Variants in PTCSC3 observed in about 807,000 individuals in gnomAD.
PTCSC3 encodes papillary thyroid carcinoma susceptibility candidate 3.
At chr14:36,137,761 G>A (rs1881320912) in intron 3 of PTCSC3, among the ~76,000 whole-genome samples, 2 of 152,164 alleles carry the variant, frequency 1.3e-5, no homozygotes. Flanking sequence ...GGTGAAGGCT[G>A]CAAAAGGAGC....
intron 1 of PTCSC3, among the ~76,000 whole-genome samples, chr14:36,170,702 A>AT (rs1882176676): frequency 6.6e-6 from 1 of 152,078 alleles, no homozygotes; most frequent in Admixed American, 6.6e-5. Flanking sequence ...GGACTCAAAA[A>AT]TTTTTTTAAC....
intron 3 of PTCSC3, among the ~76,000 whole-genome samples, chr14:36,149,715 T>C (rs950776672): frequency 6.6e-6 from 1 of 152,216 alleles, no homozygotes; most frequent in African/African-American, 2.4e-5. Flanking sequence ...AACACTCTTC[T>C]TTATCCCTGA....
At chr14:36,135,314 C>T (rs545522172), downstream of PTCSC3, among the ~76,000 whole-genome samples, 1 of 151,560 alleles carries the variant, frequency 6.6e-6, no homozygotes, top group Non-Finnish European at 1.5e-5. Flanking sequence ...GTTAATTTAC[C>T]CTAAAGAGCC....
chr14:36,168,388 TATATATATA>T (rs1256209947), intron 1 of PTCSC3, among the ~76,000 whole-genome samples: 8 of 96,282 alleles, frequency 8.3e-5, no homozygotes, highest in Non-Finnish European at 2.0e-4. Context: ...TATATATATA[TATATATATA>T]TTCTACTTTT....
intron 3 of PTCSC3, among the ~76,000 whole-genome samples, chr14:36,140,025 A>G (rs544899776): frequency 2.6e-5 from 4 of 152,220 alleles, no homozygotes; most frequent in Admixed American, 2.0e-4. Flanking sequence ...GCAACCATGG[A>G]CCTTTTTATT....
intron 3 of PTCSC3, among the ~76,000 whole-genome samples, chr14:36,146,639 A>G (rs1881576779): frequency 6.6e-6 from 1 of 152,180 alleles, no homozygotes; most frequent in Non-Finnish European, 1.5e-5. Flanking sequence ...GTGTGTTTTA[A>G]TTGGAGCATT....
rs536832117 is a variant in PTCSC3, at chr14:36,148,685, T to TC, written n.322+5118dup. ...GTTCCTATTCGGCCATCTTGGCTCC[T>TC]CCCCCCATTCAATTTCTTTAATAGA... On this transcript the variant is annotated intron_variant and non_coding_transcript_variant, in intron 3 of 3. Transcript: ENST00000556013. 3.3e-3 allele frequency among the ~76,000 whole-genome samples: 505 copies of TC among 152,248 alleles called. 1 individual carries two copies. Among genetic ancestry groups the TC allele is most frequent in the Non-Finnish European group, 5.9e-3 (403 of 67,990 alleles).
In PTCSC3 at chr14:36,142,654, C is replaced by CT. The variant is rs540686041; in HGVS notation, n.323-6299dup. Among the ~76,000 whole-genome samples, 222 of 144,136 alleles carry CT rather than the reference C, an allele frequency of 1.5e-3. 3 individuals are homozygous for CT. In the South Asian group the frequency reaches 0.027, roughly 18 times the overall value. The allele number at this position is 144,136 out of a possible 152,430, so 94.6% of individuals were successfully genotyped here. A position where few individuals can be genotyped will look rare whatever the true frequency, so the allele number is the denominator to read the frequency against. ...AGGTTATTAATTGCTCATTCAATTT[C>CT]TTTTTTTTTTTTATTATTATACTTT... On this transcript the variant is annotated intron_variant and non_coding_transcript_variant, in intron 3 of 3. Transcript: ENST00000556013.
rs1324352632 is a variant in PTCSC3, at chr14:36,153,610, C to T, written n.322+194G>A. Among the ~76,000 whole-genome samples, 9 of 152,120 alleles carry T rather than the reference C, an allele frequency of 5.9e-5. 1 individual carries two copies. In the South Asian group the frequency reaches 8.3e-4, roughly 14 times the overall value. The stretch of plus-strand genomic sequence containing the variant: ...ATTCTTTGACCCCCAAAATTCACTT[C>T]TAGGTTTACACCCAACAGAAACGCA... On this transcript the variant is annotated intron_variant and non_coding_transcript_variant, in intron 3 of 3. Transcript: ENST00000556013.
intron 3 of PTCSC3, among the ~76,000 whole-genome samples, chr14:36,148,664 C>T (rs1222889523): frequency 6.6e-6 from 1 of 152,212 alleles, no homozygotes; most frequent in Non-Finnish European, 1.5e-5. Context: ...GGAGCTGTTC[C>T]TATTCGGCCA....
intron 1 of PTCSC3, among the ~76,000 whole-genome samples, chr14:36,167,473 G>C (rs900668994): frequency 6.6e-6 from 1 of 152,130 alleles, no homozygotes; most frequent in African/African-American, 2.4e-5. Flanking sequence ...TTTAACTTCT[G>C]TATCAAATGC....
At chr14:36,167,410 C>T (rs1360807443) in intron 1 of PTCSC3, among the ~76,000 whole-genome samples, 1 of 152,076 alleles carries the variant, frequency 6.6e-6, no homozygotes, top group Admixed American at 6.6e-5. Context: ...ACTGGGACCC[C>T]ACAGCCACAA....
chr14:36,170,977 C>T (rs545381850), intron 1 of PTCSC3, among the ~76,000 whole-genome samples: 2 of 152,292 alleles, frequency 1.3e-5, no homozygotes, highest in South Asian at 4.1e-4. Flanking sequence ...ATATTTCTAA[C>T]TTAATAGCTT....
At chr14:36,142,395 G>A (rs993910676) in intron 3 of PTCSC3, among the ~76,000 whole-genome samples, 6 of 152,096 alleles carry the variant, frequency 3.9e-5, no homozygotes, top group Non-Finnish European at 5.9e-5. Flanking sequence ...TATTTTGTTG[G>A]AGATTTTAAC....
intron 3 of PTCSC3, among the ~76,000 whole-genome samples, chr14:36,141,770 A>G (rs904504791): frequency 1.3e-5 from 2 of 152,148 alleles, no homozygotes; most frequent in Non-Finnish European, 2.9e-5. Flanking sequence ...TATCAGATTT[A>G]CACCTAGTTA....
downstream of PTCSC3, among the ~76,000 whole-genome samples, chr14:36,135,875 ATGTGTGTGTGTGTGTATATATATATG>A (rs1359833403): frequency 1.2e-5 from 1 of 84,268 alleles, no homozygotes; most frequent in African/African-American, 3.1e-5. Context: ...ATATATATAT[ATGTGTGTGTGTGTGTATATATATATG>A]TGTGTGTGTG....
In PTCSC3 at chr14:36,139,644, A is replaced by G. The variant is rs183013516; in HGVS notation, n.323-3288T>C. ...TGGTCCTTAGTTTAGAACATACACA[A>G]AAATCAATTTTATGTGGGTTAAAAA... On this transcript the variant is annotated intron_variant and non_coding_transcript_variant, in intron 3 of 3. Transcript: ENST00000556013. Among the ~76,000 whole-genome samples, 305 of 152,332 alleles carry G rather than the reference A, an allele frequency of 2.0e-3. 2 individuals carry two copies. The highest frequency in any genetic ancestry group is 3.9e-3 in the South Asian group (19 of 4,826).
At position 36,152,377 on chromosome 14, in the gene PTCSC3, C is replaced by A. The variant is rs532161881; in HGVS notation, n.322+1427G>T. 2.0e-3 allele frequency among the ~76,000 whole-genome samples: 297 copies of A among 152,090 alleles called. 1 individual carries two copies. The highest frequency in any genetic ancestry group is 7.0e-3 in the African/African-American group (290 of 41,482). On this transcript the variant is annotated intron_variant and non_coding_transcript_variant, in intron 3 of 3. Coordinates refer to ENST00000556013, the Ensembl canonical transcript of PTCSC3. ...GGCTGAGGTGGGAGGATTGCTTGAG[C>A]CCAGGAATTTGAGTCTACAGTGTGC...
intron 1 of PTCSC3, among the ~76,000 whole-genome samples, chr14:36,166,497 T>C (rs77412336): frequency 0.02 from 3,055 of 152,288 alleles, 100 homozygotes; most frequent in African/African-American, 0.07. Flanking sequence ...GTGTCTGATA[T>C]GTGTCCTTCC....
Sources: gnomAD v4.1 joint callset for allele counts (sites outside exome capture counted in the v4.1 genomes callset) on GRCh38, gnomAD v4.1.1 for gene constraint, MANE v1.5 for transcripts, NCBI Gene and HGNC (gene_info 2026-07-23, HGNC 2026-07-21) for gene names.